Variants in VPS13D observed in about 807,000 individuals in gnomAD.
The protein encoded by VPS13D is vacuolar protein sorting 13 homolog D.
Under a neutral mutation model 461.9 loss-of-function variants are expected in VPS13D, and 187 were observed. The ratio of observed to expected loss-of-function variants is 0.40; its 90% confidence interval spans 0.36 to 0.46. The LOEUF (loss-of-function observed/expected upper bound fraction) is 0.46, where lower values mean the gene tolerates loss of function less well. Among genes scored for constraint, VPS13D ranks in the 20% least tolerant of loss-of-function variants. The probability of loss-of-function intolerance (pLI) is 0.60; values close to 1 mark genes in which losing one functional copy is unlikely to be tolerated. For synonymous variants in VPS13D, 1,951 were observed against 1,986.3 expected, an observed-to-expected ratio of 0.98 and a Z score of 0.47; for missense variants, 4,711 against 5,364.9, an observed-to-expected ratio of 0.88 and a Z score of 3.81.
At position 12,358,580 on chromosome 1, in the gene VPS13D, C is replaced by G. The variant is rs748319041; in HGVS notation, c.10120C>G (p.Pro3374Ala). Residue 3374 changes from proline to alanine, a missense_variant, in exon 50 of 70, where the codon CCA (proline) becomes GCA (alanine). Coordinates refer to ENST00000620676, the MANE Select transcript of VPS13D (RefSeq NM_015378.4). ...ALKVIQQGNRPGLIYNIGIDV... is the reference protein window; with the variant it reads ...ALKVIQQGNRAGLIYNIGIDV... ...GAAAGTCATCCAGCAAGGAAACCGC[C>G]CAGGGCTGATCTATAACATTGGTGG... 3.7e-6 allele frequency: 6 copies of G among 1,614,106 alleles called. No individual in the cohort carries two copies. The highest frequency in any genetic ancestry group is 5.1e-6 in the Non-Finnish European group (6 of 1,180,022).
Position 12,261,054 on chromosome 1 carries a change from G to T in VPS13D, c.1319G>T (p.Trp440Leu). The T allele has an allele frequency of 6.2e-7, 1 of 1,614,164 alleles. No homozygotes were observed. Among genetic ancestry groups the T allele is most frequent in the Non-Finnish European group, 8.5e-7 (1 of 1,180,030 alleles). Residue 440 changes from tryptophan (W) to leucine (L), a missense_variant, in exon 12 of 70, where the codon TGG (tryptophan) becomes TTG (leucine). Coordinates refer to ENST00000620676, the MANE Select transcript of VPS13D (RefSeq NM_015378.4). The stretch of plus-strand genomic sequence containing the variant: ...TATCTCCAGTCCTGGTTTCCTGGAT[G>T]GGGTGGCTGGTACGGGCAGCAGACC... ...LQYLQSWFPG[W>L]GGWYGQQTPE... is the part of the protein sequence containing the mutation.
intron 65 of VPS13D, among the ~76,000 whole-genome samples, chr1:12,438,388 G>C (rs1645088604): frequency 6.6e-6 from 1 of 152,190 alleles, no homozygotes; most frequent in Non-Finnish European, 1.5e-5. Flanking sequence ...CGAATCTGCT[G>C]TCACCTTGAT....
In VPS13D at chr1:12,288,311, T is replaced by C. The variant is rs376670648; in HGVS notation, c.5723T>C (p.Ile1908Thr). 1.4e-5 allele frequency: 22 copies of C among 1,613,856 alleles called. 1 individual carries two copies. The South Asian group carries it at 1.8e-4, about 13-fold the overall frequency. Residue 1908 changes from isoleucine (I) to threonine (T), a missense_variant and splice_region_variant, in exon 22 of 70, where the codon ATT becomes ACT. This residue lies in a region of VPS13D where 4,411 missense variants were observed against 4,937.8 expected (regional missense o/e 0.89). Coordinates refer to ENST00000620676, the MANE Select transcript of VPS13D (RefSeq NM_015378.4). ...AAATTAGTAGCACACCTGGAAATGA[T>C]TGGTAAGTGGTGGGGGGTGGAGGGA... ...VSKLVAHLEM[I>T]EGDLALQGSI...
At position 12,253,770 on chromosome 1, in the gene VPS13D, A is replaced by G. The variant is rs61774897; in HGVS notation, c.613A>G (p.Ile205Val). The G allele has an allele frequency of 3.0e-3, 4,896 of 1,614,148 alleles. 12 individuals are homozygous for G. The highest frequency in any genetic ancestry group is 6.6e-3 in the Middle Eastern group (40 of 6,062). ...KKQLDVAEFS[I>V]YWDVDCTLLG... ...GCAATTAGACGTAGCAGAATTTAGC[A>G]TCTATTGGGATGTCGATTGCACTTT... Residue 205 changes from isoleucine to valine, a missense_variant, in exon 7 of 70, where the codon ATC becomes GTC. Transcript: ENST00000620676.
chr1:12,395,552 A>G (rs962616383), intron 60 of VPS13D, among the ~76,000 whole-genome samples: 3 of 152,152 alleles, frequency 2.0e-5, no homozygotes, highest in Non-Finnish European at 4.4e-5. Flanking sequence ...CAATCTTAGC[A>G]GATTTGAGGC....
intron 2 of VPS13D, among the ~76,000 whole-genome samples, chr1:12,240,201 T>C (rs1640299836): frequency 6.6e-6 from 1 of 152,144 alleles, no homozygotes; most frequent in Non-Finnish European, 1.5e-5. Context: ...TTTTTCGTGG[T>C]GCGAGTTGCC....
chr1:12,299,523 T>C lies in VPS13D; in HGVS notation c.6216+139T>C. On this transcript the variant is annotated intron_variant, in intron 25 of 69. Coordinates refer to ENST00000620676, the MANE Select transcript of VPS13D (RefSeq NM_015378.4). This position sits in a 1 kb window ranked among gnomAD's most constrained non-coding sequence, Gnocchi z 4.2. ...GTGGCTTGAAGAATTTTTTTTGGCA[T>C]TTTATTGATATTTCAGTTAACCTTA... 1.1e-6 allele frequency: 1 copy of C among 899,810 alleles called. No individual in the cohort carries two copies. Among genetic ancestry groups the C allele is most frequent in the Non-Finnish European group, 1.6e-6 (1 of 630,806 alleles). 55.7% of individuals were successfully genotyped at this position (899,810 alleles called of 1,614,324 possible).
rs1381488278 is a variant in VPS13D, at chr1:12,457,556, C to T, written c.12466+1426C>T. 4.6e-5 allele frequency among the ~76,000 whole-genome samples: 7 copies of T among 152,336 alleles called. No homozygotes were observed. In the South Asian group the frequency reaches 1.5e-3, roughly 32 times the overall value. On this transcript the variant is annotated intron_variant, in intron 66 of 69. Transcript: ENST00000620676. ...ATAGTAAGGCTTAGTAAATTAAACT[C>T]TTTGTACCAGATCCTTAGGAACCAT... is the stretch of plus-strand genomic sequence containing the variant.
At chr1:12,313,695 A>G (rs183996228) in intron 29 of VPS13D, among the ~76,000 whole-genome samples, 38 of 152,302 alleles carry the variant, frequency 2.5e-4, no homozygotes, top group Middle Eastern at 3.4e-3. Context: ...GTTTCACATA[A>G]ACAGTTGGAC....
At chr1:12,396,106 T>C (rs989674212) in intron 60 of VPS13D, among the ~76,000 whole-genome samples, 12 of 149,572 alleles carry the variant, frequency 8.0e-5, no homozygotes, top group African/African-American at 3.0e-4. Flanking sequence ...AGATTATTAA[T>C]ATCAGGAAAG....
At chr1:12,351,330 A>C (rs1398616253) in intron 46 of VPS13D, among the ~76,000 whole-genome samples, 1 of 152,148 alleles carries the variant, frequency 6.6e-6, no homozygotes, top group African/African-American at 2.4e-5. Context: ...TGCTCTTGTC[A>C]CCCAGGCTGG....
At chr1:12,246,497 C>T (rs1277373557) in intron 5 of VPS13D, among the ~76,000 whole-genome samples, 1 of 151,818 alleles carries the variant, frequency 6.6e-6, no homozygotes, top group South Asian at 2.1e-4. Context: ...ATTTCAAAAT[C>T]CCCCCCAAAA....
In VPS13D at chr1:12,363,212, A is replaced by G; in HGVS notation, c.10413A>G (p.Glu3471=). Residue 3471 remains glutamate, a synonymous_variant, in exon 52 of 70, where the codon GAA becomes GAG. Transcript: ENST00000620676. ...VPNCIWSGGF[E]VNKNNSFHIN... is the part of the protein sequence containing the mutation. ...ATTGTATTTGGTCTGGAGGCTTTGA[A>G]GTCAACAAGAATAATTCCTTCCATA... 6.2e-7 allele frequency: 1 copy of G among 1,614,186 alleles called. No homozygotes were observed. Among genetic ancestry groups the G allele is most frequent in the Non-Finnish European group, 8.5e-7 (1 of 1,180,046 alleles).
chr1:12,324,533 CTGGG>C (rs1344973747), intron 35 of VPS13D, among the ~76,000 whole-genome samples: 1 of 152,104 alleles, frequency 6.6e-6, no homozygotes, highest in African/African-American at 2.4e-5. Context: ...AGCTGGCTGA[CTGGG>C]TTCAGATCCT....
chr1:12,382,065 C>T (rs1279264985), intron 57 of VPS13D, among the ~76,000 whole-genome samples: 6 of 148,156 alleles, frequency 4.0e-5, no homozygotes, highest in Non-Finnish European at 7.5e-5. Context: ...CCTTTCTTCT[C>T]TCTCTTTCTT....
At chr1:12,290,701 C>T (rs980485342) in intron 22 of VPS13D, among the ~76,000 whole-genome samples, 2 of 146,958 alleles carry the variant, frequency 1.4e-5, no homozygotes, top group African/African-American at 5.1e-5. Flanking sequence ...CCAGCCTGGG[C>T]GACAGAGCTA....
At chr1:12,232,037 A>T (rs1309220626) in intron 1 of VPS13D, among the ~76,000 whole-genome samples, 1 of 152,200 alleles carries the variant, frequency 6.6e-6, no homozygotes, top group Non-Finnish European at 1.5e-5. Flanking sequence ...TTTTATTCAG[A>T]CTGTTGAGCA....
chr1:12,376,904 G>GGCT (rs1346530862), intron 55 of VPS13D, among the ~76,000 whole-genome samples: 2 of 152,118 alleles, frequency 1.3e-5, no homozygotes, highest in East Asian at 3.9e-4. Flanking sequence ...TCTGGAATCA[G>GGCT]GCTGCAGAGA....
At chr1:12,253,398 C>A (rs906573968) in intron 6 of VPS13D, among the ~76,000 whole-genome samples, 3 of 152,158 alleles carry the variant, frequency 2.0e-5, no homozygotes, top group African/African-American at 7.2e-5. Flanking sequence ...CCAGCCCTTT[C>A]CTCCTACCCG....
Sources: allele counts gnomAD v4.1 joint callset (sites outside exome capture counted in the v4.1 genomes callset), GRCh38; gene constraint gnomAD v4.1.1; regional missense constraint gnomAD v4.1.1; non-coding constraint Gnocchi (gnomAD v3.1); transcripts MANE v1.5; gene names NCBI Gene and HGNC (gene_info 2026-07-23, HGNC 2026-07-21).